The following NUBPL variants were observed in gnomAD, a reference collection of about 807,000 sequenced individuals.
NUBPL encodes iron-sulfur cluster transfer protein NUBPL.
NUBPL carries 31 observed loss-of-function variants against 45.7 expected under a neutral mutation model. The observed-to-expected ratio is 0.68, with a 90% CI of 0.51 to 0.92. NUBPL has a LOEUF of 0.92. Among genes scored for constraint, NUBPL ranks in the 40% least tolerant of loss-of-function variants. The pLI is 0.00. For synonymous variants in NUBPL, 144 were observed against 140.9 expected (o/e 1.02, Z -0.15); for missense variants, 401 against 398.7 (o/e 1.01, Z -0.05).
chr14:31,753,698 C>T (rs1258459341), intron 6 of NUBPL, among the ~76,000 whole-genome samples: 1 of 152,110 alleles, frequency 6.6e-6, no homozygotes, highest in Non-Finnish European at 1.5e-5. Context: ...TGGAGCAGAG[C>T]AGCTGTGTGG....
chr14:31,781,476 A>G (rs761657510), intron 6 of NUBPL, among the ~76,000 whole-genome samples: 7 of 152,224 alleles, frequency 4.6e-5, no homozygotes, highest in Non-Finnish European at 1.0e-4. Flanking sequence ...ATCTGAAACC[A>G]GAGAAACTAG....
At chr14:31,781,617 T>G (rs532816413) in intron 6 of NUBPL, among the ~76,000 whole-genome samples, 46 of 152,330 alleles carry the variant, frequency 3.0e-4, no homozygotes, top group Admixed American at 7.8e-4. Context: ...ATTGATGTCT[T>G]AAGACACTCT....
intron 6 of NUBPL, among the ~76,000 whole-genome samples, chr14:31,736,972 G>GT (rs2038178954): frequency 6.6e-6 from 1 of 152,210 alleles, no homozygotes; most frequent in African/African-American, 2.4e-5. Context: ...ATCCATCTTT[G>GT]TGAAATGGTG....
intron 4 of NUBPL, among the ~76,000 whole-genome samples, chr14:31,611,381 A>G (rs979682383): frequency 5.9e-5 from 9 of 152,166 alleles, no homozygotes; most frequent in South Asian, 4.1e-4. Context: ...AAATATGTCT[A>G]TAATGAAAAC....
In NUBPL at chr14:31,859,586, G is replaced by T; in HGVS notation, c.*406G>T. ...ATTACGCCTTCCCACCAGGCAATTTGGACTGTCTTTGAATCCTGTCTTTGG... is the reference window on the plus strand; with the variant it reads ...ATTACGCCTTCCCACCAGGCAATTTTGACTGTCTTTGAATCCTGTCTTTGG... On this transcript the variant is annotated 3_prime_UTR_variant, in exon 11 of 11. Coordinates refer to ENST00000281081, the MANE Select transcript of NUBPL (RefSeq NM_025152.3). 3.2e-6 allele frequency: 1 copy of T among 308,184 alleles called. No individual in the cohort carries two copies. Among genetic ancestry groups the T allele is most frequent in the Non-Finnish European group, 6.3e-6 (1 of 159,826 alleles). 19.1% of individuals were successfully genotyped at this position (308,184 alleles called of 1,614,324 possible).
chr14:31,811,249 G>A (rs973956910), intron 7 of NUBPL, among the ~76,000 whole-genome samples: 9 of 152,098 alleles, frequency 5.9e-5, no homozygotes, highest in Non-Finnish European at 2.9e-5. Flanking sequence ...TCACTTTCTA[G>A]TACACCAATT....
At chr14:31,834,379 C>T (rs1158304092) in intron 8 of NUBPL, among the ~76,000 whole-genome samples, 1 of 151,954 alleles carries the variant, frequency 6.6e-6, no homozygotes, top group Admixed American at 6.6e-5. Flanking sequence ...CGGGGTTTCA[C>T]CGTGTTAGCC....
intron 7 of NUBPL, among the ~76,000 whole-genome samples, chr14:31,814,295 C>T (rs961857927): frequency 6.6e-6 from 1 of 152,130 alleles, no homozygotes; most frequent in Non-Finnish European, 1.5e-5. Context: ...TGATGTTGAG[C>T]TTTTTTTCAT....
At chr14:31,579,512 C>T (rs905355954) in intron 3 of NUBPL, among the ~76,000 whole-genome samples, 11 of 152,086 alleles carry the variant, frequency 7.2e-5, no homozygotes, top group African/African-American at 2.4e-4. Flanking sequence ...GCTAATTTTC[C>T]GTTTACCTAC....
intron 6 of NUBPL, among the ~76,000 whole-genome samples, chr14:31,767,298 G>A (rs1486847773): frequency 6.6e-6 from 1 of 152,132 alleles, no homozygotes; most frequent in Non-Finnish European, 1.5e-5. Context: ...TGCCTCCCGG[G>A]TTCAAGCCAT....
intron 6 of NUBPL, among the ~76,000 whole-genome samples, chr14:31,679,087 T>G (rs1484401771): frequency 6.6e-6 from 1 of 152,206 alleles, no homozygotes; most frequent in African/African-American, 2.4e-5. Flanking sequence ...CAAAGTTCAG[T>G]GCAAAGTCTC....
At chr14:31,615,438 C>T (rs1566449265) in intron 4 of NUBPL, among the ~76,000 whole-genome samples, 1 of 152,140 alleles carries the variant, frequency 6.6e-6, no homozygotes, top group Non-Finnish European at 1.5e-5. Flanking sequence ...AATGCTATCC[C>T]TACCCTAGCC....
intron 4 of NUBPL, among the ~76,000 whole-genome samples, chr14:31,664,728 G>T (rs2036362941): frequency 6.6e-6 from 1 of 152,114 alleles, no homozygotes; most frequent in Non-Finnish European, 1.5e-5. Flanking sequence ...CCAGGTTTTG[G>T]TACCAGGCTG....
chr14:31,602,220 C>G (rs2139567454), intron 4 of NUBPL, among the ~76,000 whole-genome samples: 1 of 151,428 alleles, frequency 6.6e-6, no homozygotes, highest in South Asian at 2.1e-4. Context: ...AGGGGAAGAT[C>G]ACACTCTGGG....
chr14:31,676,769 T>C (rs1413054028), intron 6 of NUBPL, among the ~76,000 whole-genome samples: 4 of 151,548 alleles, frequency 2.6e-5, no homozygotes, highest in Non-Finnish European at 5.9e-5. Flanking sequence ...TTATTTTTTA[T>C]TTTTATTTAT....
chr14:31,661,573 G>T (rs944784697), intron 4 of NUBPL, among the ~76,000 whole-genome samples: 1 of 152,054 alleles, frequency 6.6e-6, no homozygotes, highest in South Asian at 2.1e-4. Context: ...ACGGAGTCTC[G>T]CACTGTCACC....
At chr14:31,757,485 G>T (rs1307288801) in intron 6 of NUBPL, among the ~76,000 whole-genome samples, 1 of 152,106 alleles carries the variant, frequency 6.6e-6, no homozygotes, top group Non-Finnish European at 1.5e-5. Flanking sequence ...TAGTTTATTT[G>T]CATAGAGGTG....
At position 31,723,918 on chromosome 14, in the gene NUBPL, A is replaced by G. The variant is rs184683791; in HGVS notation, c.513+50344A>G. Among the ~76,000 whole-genome samples, 435 of 152,282 alleles carry G rather than the reference A, an allele frequency of 2.9e-3. 2 individuals are homozygous for G. The highest frequency in any genetic ancestry group is 9.8e-3 in the African/African-American group (407 of 41,566). The stretch of plus-strand genomic sequence containing the variant: ...GGATAGTTTGACTACCTCTTGTTCC[A>G]TTGGGATGCCCTTTGTTTCTTTCTC... On this transcript the variant is annotated intron_variant, in intron 6 of 10. Transcript: ENST00000281081.
intron 3 of NUBPL, among the ~76,000 whole-genome samples, chr14:31,573,638 A>G (rs1461157197): frequency 6.6e-6 from 1 of 152,174 alleles, no homozygotes; most frequent in Non-Finnish European, 1.5e-5. Flanking sequence ...TGCTTCTGCC[A>G]CTTAAAGTTT....
Sources: gnomAD v4.1 joint callset for allele counts (sites outside exome capture counted in the v4.1 genomes callset) on GRCh38, gnomAD v4.1.1 for gene constraint, MANE v1.5 for transcripts, NCBI Gene and HGNC (gene_info 2026-07-23, HGNC 2026-07-21) for gene names.